Variants in HYDIN observed in about 807,000 individuals in gnomAD.
HYDIN encodes axonemal central pair apparatus protein HYDIN.
In HYDIN, 132 loss-of-function variants were observed where a neutral mutation model predicts 403.9. That is an observed-to-expected ratio of 0.33 (90% CI 0.28 to 0.38). HYDIN has a LOEUF of 0.38. Ranked by LOEUF, HYDIN falls within the 10% of genes least tolerant of loss-of-function variation. The pLI is 1.00. For missense variants in HYDIN, 2,827 were observed against 5,009.5 expected, an observed-to-expected ratio of 0.56 and a Z score of 13.15; for synonymous variants, 1,202 against 1,891.7, an observed-to-expected ratio of 0.64 and a Z score of 9.46.
chr16:70,898,979 C>T (rs2076285367), intron 53 of HYDIN, among the ~76,000 whole-genome samples: 1 of 152,028 alleles, frequency 6.6e-6, no homozygotes. Flanking sequence ...CCATGTTGGC[C>T]AGGGTGGTCT....
intron 47 of HYDIN, among the ~76,000 whole-genome samples, chr16:70,917,111 T>C (rs1285397040): frequency 1.3e-5 from 2 of 152,034 alleles, no homozygotes; most frequent in African/African-American, 4.8e-5. Flanking sequence ...TTTGTAGAGA[T>C]GGGGTTTCAC....
At position 70,804,848 on chromosome 16, in the gene HYDIN, T is replaced by C. The variant is rs1417289804; in HGVS notation, c.*2732A>G. ...TCCCTGATCACTTTTATAAAATGTA[T>C]ATGGACAGCTTCAGTGGCTTGGGGA... On this transcript the variant is annotated 3_prime_UTR_variant, in exon 86 of 86. Coordinates refer to ENST00000393567, the MANE Select transcript of HYDIN (RefSeq NM_001270974.2). Among the ~76,000 whole-genome samples the C allele has an allele frequency of 6.6e-6, 1 of 152,192 alleles. No individual in the cohort carries two copies. Among genetic ancestry groups the C allele is most frequent in the Non-Finnish European group, 1.5e-5 (1 of 68,034 alleles).
intron 18 of HYDIN, among the ~76,000 whole-genome samples, chr16:71,053,985 G>A (rs866347927): frequency 2.4e-4 from 36 of 152,380 alleles, no homozygotes; most frequent in Middle Eastern, 3.4e-3. Context: ...AGTGATGGCT[G>A]ACTTTTATCA....
chr16:71,208,704 G>A (rs933642956), intron 1 of HYDIN, among the ~76,000 whole-genome samples: 2 of 151,960 alleles, frequency 1.3e-5, no homozygotes, highest in African/African-American at 4.8e-5. Flanking sequence ...TAAACACAAT[G>A]AGAAATGACA....
chr16:70,961,133 G>A (rs1403059597), intron 38 of HYDIN, among the ~76,000 whole-genome samples: 3 of 151,986 alleles, frequency 2.0e-5, no homozygotes, highest in Admixed American at 2.0e-4. Flanking sequence ...TTCTACGTGG[G>A]ATGTCCAGGG....
chr16:71,045,483 A>G (rs1179631298), intron 18 of HYDIN, among the ~76,000 whole-genome samples: 1 of 152,134 alleles, frequency 6.6e-6, no homozygotes, highest in Non-Finnish European at 1.5e-5. Context: ...GGAGGCAAGT[A>G]TATCTAATTC....
At chr16:70,822,838 T>A (rs2036355120) in intron 83 of HYDIN, among the ~76,000 whole-genome samples, 1 of 150,832 alleles carries the variant, frequency 6.6e-6, no homozygotes, top group African/African-American at 2.4e-5. Context: ...GTATGCACGT[T>A]ACTTTTAAAG....
At chr16:71,168,117 G>A (rs2086308612) in intron 5 of HYDIN, among the ~76,000 whole-genome samples, 1 of 151,468 alleles carries the variant, frequency 6.6e-6, no homozygotes, top group South Asian at 2.1e-4. Context: ...CAGGAGTTCG[G>A]GACCAGCCTG....
rs1291311924 is a variant in HYDIN at position 70,829,673 on chromosome 16, G to T, written c.14057C>A (p.Pro4686His). ...ITLEAHQQNK[P>H]YEITYRPRTM... ...GCGGGGCCTGTAGGTGATCTCATAG[G>T]GCTTGTTTTGCTGGTGGGCCTCCAG... The change falls in exon 81 of 86, where the codon CCC becomes CAC. Residue 4686 changes from proline to histidine, a missense_variant. By Grantham distance (77) the Pro-to-His change is moderately conservative. Coordinates refer to ENST00000393567, the MANE Select transcript of HYDIN (RefSeq NM_001270974.2). The T allele has an allele frequency of 1.2e-6, 2 of 1,613,666 alleles. No homozygotes were observed. Among genetic ancestry groups the T allele is most frequent in the East Asian group, 4.5e-5 (2 of 44,908 alleles).
chr16:70,981,679 A>G, intron 28 of HYDIN, 111 bp from the exon 29 acceptor site: 1 of 1,414,056 alleles, frequency 7.1e-7, no homozygotes. Context: ...CTAAAAAAAG[A>G]AGGAAAGGAG....
In HYDIN at chr16:70,892,409, A is replaced by G. The variant is rs375654301; in HGVS notation, c.9369T>C (p.His3123=). ...GCTCAATCTTCACTTCCTTTTTTGCATGGAAGAAAACTTGGACATTTGTGG... is the reference window on the plus strand; with the variant it reads ...GCTCAATCTTCACTTCCTTTTTTGCGTGGAAGAAAACTTGGACATTTGTGG... ...EKPTNVQVFF[H]AKKEVKIEHQ... The change falls in exon 56 of 86, where the codon CAT becomes CAC. Residue 3123 remains histidine, a synonymous_variant. Transcript: ENST00000393567. 3 of 1,591,606 alleles carry G rather than the reference A, an allele frequency of 1.9e-6. No homozygotes were observed. The highest frequency in any genetic ancestry group is 2.6e-6 in the Non-Finnish European group (3 of 1,170,272).
intron 78 of HYDIN, among the ~76,000 whole-genome samples, chr16:70,834,844 ACT>A (rs1490533605): frequency 6.7e-6 from 1 of 149,858 alleles, no homozygotes; most frequent in African/African-American, 2.5e-5. Flanking sequence ...TGAGACTCCG[ACT>A]CAAAAAAAAC....
intron 1 of HYDIN, among the ~76,000 whole-genome samples, chr16:71,218,877 T>G (rs144997634): frequency 6.6e-6 from 1 of 152,240 alleles, no homozygotes; most frequent in South Asian, 2.1e-4. Context: ...AGGTTTCATA[T>G]GATATCATCT....
In HYDIN at chr16:71,094,775, A is replaced by G. The variant is rs577313492; in HGVS notation, c.1328-840T>C. On this transcript the variant is annotated intron_variant, in intron 10 of 85. Coordinates refer to ENST00000393567, the MANE Select transcript of HYDIN (RefSeq NM_001270974.2). ...CTGTCCCAGCTCTCAGAGACAAACC[A>G]ATGTGCCTTCTGTATTTGTTCTCTC... 2.3e-3 allele frequency among the ~76,000 whole-genome samples: 351 copies of G among 152,310 alleles called. 1 individual carries two copies. Among genetic ancestry groups the G allele is most frequent in the African/African-American group, 7.9e-3 (329 of 41,580 alleles).
intron 18 of HYDIN, among the ~76,000 whole-genome samples, chr16:71,034,033 T>C (rs2081005174): frequency 6.6e-6 from 1 of 151,914 alleles, no homozygotes; most frequent in Non-Finnish European, 1.5e-5. Flanking sequence ...AGAAAAGAGT[T>C]TGATTATTCC....
At position 70,908,925 on chromosome 16, in the gene HYDIN, A is replaced by G; in HGVS notation, c.8005-64T>C. ...TTTTGTACACACAAACAGAAGACAGAGATGGCCACATGTCTGTCATCTGGG... is the reference window on the plus strand; with the variant it reads ...TTTTGTACACACAAACAGAAGACAGGGATGGCCACATGTCTGTCATCTGGG... On this transcript the variant is annotated intron_variant, in intron 47 of 85. Transcript: ENST00000393567. The G allele has an allele frequency of 1.9e-6, 3 of 1,589,094 alleles. 1 individual carries two copies. In the South Asian group the frequency reaches 3.4e-5, roughly 18 times the overall value.
At chr16:71,230,086 C>T (rs1345299955) in intron 1 of HYDIN, among the ~76,000 whole-genome samples, 2 of 152,206 alleles carry the variant, frequency 1.3e-5, no homozygotes, top group Non-Finnish European at 2.9e-5. Flanking sequence ...GATTGTGAGG[C>T]CTCCCCAGCC....
rs542835984 is a variant in HYDIN at position 71,064,664 on chromosome 16, T to C, written c.2211+41A>G. ...TCTCTTTCTCATCAAGGGAACTCAA[T>C]GGAAGAATAATTAATACTGAAGAAG... On this transcript the variant is annotated intron_variant, in intron 16 of 85. Coordinates refer to ENST00000393567, the MANE Select transcript of HYDIN (RefSeq NM_001270974.2). 1.7e-4 allele frequency: 269 copies of C among 1,560,982 alleles called. 3 individuals are homozygous for C. The East Asian group carries it at 6.0e-3, about 35-fold the overall frequency.
chr16:71,165,153 C>G (rs1485924886), intron 5 of HYDIN, among the ~76,000 whole-genome samples: 1 of 151,166 alleles, frequency 6.6e-6, no homozygotes, highest in Non-Finnish European at 1.5e-5. Flanking sequence ...CAGGCTGCTT[C>G]TCCGCTGAAA....
Sources: allele counts gnomAD v4.1 joint callset (sites outside exome capture counted in the v4.1 genomes callset), GRCh38; gene constraint gnomAD v4.1.1; transcripts MANE v1.5; gene names NCBI Gene and HGNC (gene_info 2026-07-23, HGNC 2026-07-21).